ITCH: variants seen among roughly 807,000 people sequenced by gnomAD.
ITCH encodes itchy E3 ubiquitin protein ligase.
In ITCH, 28 loss-of-function variants were observed where a neutral mutation model predicts 126.8. The observed-to-expected ratio is 0.22, with a 90% CI of 0.16 to 0.30. The LOEUF (loss-of-function observed/expected upper bound fraction) is 0.30, where lower values mean the gene tolerates loss of function less well. ITCH is among the 10% of genes least tolerant of loss of function. ITCH has a pLI of 1.00. For synonymous variants in ITCH, 342 were observed against 340.0 expected (o/e 1.01, Z -0.06); for missense variants, 631 against 1,032.4 (o/e 0.61, Z 5.33).
intron 7 of ITCH, among the ~76,000 whole-genome samples, chr20:34,428,752 A>G (rs2146239977): frequency 6.6e-6 from 1 of 151,662 alleles, no homozygotes; most frequent in South Asian, 2.1e-4. Context: ...TTTGATTTGA[A>G]CATTTATGAC....
intron 1 of ITCH, among the ~76,000 whole-genome samples, chr20:34,369,098 G>A (rs2037524309): frequency 1.3e-5 from 2 of 152,168 alleles, no homozygotes; most frequent in Admixed American, 1.3e-4. Context: ...GGGAGGCTGA[G>A]GTGGGTGGAT....
chr20:34,369,852 C>A (rs1319804516), intron 2 of ITCH, among the ~76,000 whole-genome samples: 1 of 151,858 alleles, frequency 6.6e-6, no homozygotes, highest in Non-Finnish European at 1.5e-5. Context: ...GCCTGTAATT[C>A]CAGCACTTTG....
At chr20:34,432,500 T>G (rs532029263) in intron 7 of ITCH, among the ~76,000 whole-genome samples, 2 of 152,370 alleles carry the variant, frequency 1.3e-5, no homozygotes, top group South Asian at 4.1e-4. Flanking sequence ...TGTAATTATA[T>G]GAAATATTGT....
chr20:34,473,473 CGCCACCTGGGGCTGT>C (rs1027831361), intron 16 of ITCH, among the ~76,000 whole-genome samples: 31 of 152,284 alleles, frequency 2.0e-4, no homozygotes, highest in African/African-American at 7.2e-4. Flanking sequence ...GAGAGAATGG[CGCCACCTGGGGCTGT>C]GCGACCTGTC....
At chr20:34,430,757 C>T (rs1021304251) in intron 7 of ITCH, among the ~76,000 whole-genome samples, 14 of 152,168 alleles carry the variant, frequency 9.2e-5, no homozygotes, top group African/African-American at 3.4e-4. Context: ...GGATTACAGG[C>T]GTGAGTCACC....
intron 4 of ITCH, among the ~76,000 whole-genome samples, chr20:34,409,735 T>G (rs1667751254): frequency 6.6e-6 from 1 of 152,218 alleles, no homozygotes; most frequent in Non-Finnish European, 1.5e-5. Flanking sequence ...TGTATGTTGG[T>G]GTTTATATCT....
chr20:34,424,356 TATA>T, intron 6 of ITCH, 121 bp from the exon 7 acceptor site: 1 of 774,906 alleles, frequency 1.3e-6, no homozygotes, highest in South Asian at 1.5e-5. Flanking sequence ...GAATTTAAGT[TATA>T]GTATGTTCTT....
At chr20:34,478,259 T>C (rs1162755216) in intron 17 of ITCH, among the ~76,000 whole-genome samples, 7 of 152,234 alleles carry the variant, frequency 4.6e-5, no homozygotes, top group Non-Finnish European at 1.0e-4. Context: ...CAAGGCCTTA[T>C]AGTGATCAGG....
At chr20:34,364,037 C>T (rs1438276456) in intron 1 of ITCH, among the ~76,000 whole-genome samples, 1 of 152,106 alleles carries the variant, frequency 6.6e-6, no homozygotes, top group South Asian at 2.1e-4. Flanking sequence ...AAAAAGTAGC[C>T]GTTGAACGTA....
chr20:34,380,787 C>T (rs1489991188), intron 2 of ITCH, among the ~76,000 whole-genome samples: 1 of 151,520 alleles, frequency 6.6e-6, no homozygotes, highest in African/African-American at 2.4e-5. Flanking sequence ...AAACTTTGAC[C>T]CTTTTTTAAT....
intron 6 of ITCH, among the ~76,000 whole-genome samples, chr20:34,415,663 C>T (rs1225688104): frequency 2.0e-5 from 3 of 152,146 alleles, no homozygotes; most frequent in Non-Finnish European, 4.4e-5. Flanking sequence ...TTGGAGTTGA[C>T]ACTTTGATTA....
Position 34,402,177 on chromosome 20 carries a change from G to T in ITCH, c.71-6474G>T, listed in dbSNP as rs543297478. On this transcript the variant is annotated intron_variant, in intron 3 of 24. Coordinates refer to ENST00000374864, the MANE Select transcript of ITCH (RefSeq NM_031483.7). ...CAGCACACATATGCAGCTCTTCTTCGGTTCTGGAGGTTCCAGGGCAGCCAA... is the reference window on the plus strand; with the variant it reads ...CAGCACACATATGCAGCTCTTCTTCTGTTCTGGAGGTTCCAGGGCAGCCAA... 5 of 1,383,158 alleles carry T rather than the reference G, an allele frequency of 3.6e-6. No individual in the cohort carries two copies. The East Asian group carries it at 1.1e-4, about 32-fold the overall frequency. The allele number at this position is 1,383,158 out of a possible 1,614,324, so 85.7% of individuals were successfully genotyped here.
At chr20:34,474,104 A>G (rs187350443) in intron 16 of ITCH, among the ~76,000 whole-genome samples, 11 of 152,384 alleles carry the variant, frequency 7.2e-5, no homozygotes, top group Non-Finnish European at 1.5e-4. Flanking sequence ...CTATCACATT[A>G]ACTATTTTTT....
chr20:34,363,822 A>C (rs1027721327), intron 1 of ITCH, among the ~76,000 whole-genome samples: 1 of 152,078 alleles, frequency 6.6e-6, no homozygotes, highest in Non-Finnish European at 1.5e-5. Flanking sequence ...CCGAGCCCCC[A>C]GTCGCTAGAA....
At chr20:34,438,165 C>T (rs1286527546) in intron 7 of ITCH, among the ~76,000 whole-genome samples, 1 of 152,166 alleles carries the variant, frequency 6.6e-6, no homozygotes, top group African/African-American at 2.4e-5. Context: ...GACTTTGTTC[C>T]TGTTCATATA....
At chr20:34,500,833 G>C (rs1357878006) in intron 23 of ITCH, among the ~76,000 whole-genome samples, 1 of 152,090 alleles carries the variant, frequency 6.6e-6, no homozygotes, top group Non-Finnish European at 1.5e-5. Context: ...TAGTGTATCT[G>C]CTCTACCAGA....
chr20:34,476,598 A>G lies in ITCH; in HGVS notation c.1570-1174A>G, dbSNP rs1388020824. On this transcript the variant is annotated intron_variant, in intron 16 of 24. Transcript: ENST00000374864. The stretch of plus-strand genomic sequence containing the variant: ...TAGAATACTTGGCATAAACGTACAT[A>G]TGTCATAAGCATTGAAGTTTTTTGT... The G allele has an allele frequency of 5.4e-6, 3 of 555,966 alleles. No homozygotes were observed. In the South Asian group the frequency reaches 2.7e-4, roughly 49 times the overall value. 34.4% of individuals were successfully genotyped at this position (555,966 alleles called of 1,614,324 possible). A position where few individuals can be genotyped will look rare whatever the true frequency, so the allele number is the denominator to read the frequency against.
chr20:34,400,324 C>T (rs551516474), intron 3 of ITCH, among the ~76,000 whole-genome samples: 2 of 152,204 alleles, frequency 1.3e-5, no homozygotes, highest in Admixed American at 1.3e-4. Flanking sequence ...CCCAGCCTTT[C>T]CATAAGTGTT....
At chr20:34,435,272 G>A (rs767821500) in intron 7 of ITCH, among the ~76,000 whole-genome samples, 6 of 151,794 alleles carry the variant, frequency 4.0e-5, no homozygotes, top group Non-Finnish European at 8.8e-5. Flanking sequence ...GGGTTCAAGC[G>A]ATCCTCCCAG....
Sources: gnomAD v4.1 joint callset for allele counts (sites outside exome capture counted in the v4.1 genomes callset) on GRCh38, gnomAD v4.1.1 for gene constraint, MANE v1.5 for transcripts, NCBI Gene and HGNC (gene_info 2026-07-23, HGNC 2026-07-21) for gene names.